The following TSPAN16 variants were observed in gnomAD, a reference collection of about 807,000 sequenced individuals.
TSPAN16 encodes tetraspanin 16.
In TSPAN16, 23 loss-of-function variants were observed where a neutral mutation model predicts 25.2. That is an observed-to-expected ratio of 0.91 (90% confidence interval 0.66 to 1.29). The LOEUF is 1.29. TSPAN16 is among the 50% of genes most tolerant of loss of function. The pLI, the probability that TSPAN16 is intolerant of heterozygous loss-of-function variation, is 0.00. For missense variants in TSPAN16, 272 were observed against 299.9 expected (o/e 0.91, Z 0.69); for synonymous variants, 123 against 124.4 (o/e 0.99, Z 0.08).
chr19:11,320,962 C>G (rs533446940), downstream of TSPAN16, among the ~76,000 whole-genome samples: 1 of 151,640 alleles, frequency 6.6e-6, no homozygotes, highest in African/African-American at 2.4e-5. Flanking sequence ...TGAGGTCAGG[C>G]GTTCGAGACC....
chr19:11,312,078 G>A, intron 5 of TSPAN16, 61 bp from the exon 6 acceptor site: 2 of 1,330,868 alleles, frequency 1.5e-6, no homozygotes, highest in Admixed American at 1.9e-5. Context: ...GGGGTTGATG[G>A]GGACTTGCAA....
downstream of TSPAN16, among the ~76,000 whole-genome samples, chr19:11,319,687 T>C (rs1016542694): frequency 6.6e-6 from 1 of 152,060 alleles, no homozygotes; most frequent in Non-Finnish European, 1.5e-5. Context: ...AAGAGGGCAA[T>C]GTGTGGGGGA....
chr19:11,306,861 G>T lies in TSPAN16; in HGVS notation c.603+105G>T. Reference sequence around the variant, plus strand: ...AAAGAGTTTCACCCTTGTCACCCAGGCTGGAGTGCAGTGGTGCGATCTCGG... The same window carrying T: ...AAAGAGTTTCACCCTTGTCACCCAGTCTGGAGTGCAGTGGTGCGATCTCGG... On this transcript the variant is annotated intron_variant, in intron 5 of 6. Coordinates refer to ENST00000590327, the MANE Select transcript of TSPAN16 (RefSeq NM_001282509.2). 2.5e-6 allele frequency: 3 copies of T among 1,211,442 alleles called. No homozygotes were observed. In the South Asian group the frequency reaches 4.6e-5, roughly 19 times the overall value. 75.0% of individuals were successfully genotyped at this position (1,211,442 alleles called of 1,614,324 possible). A position where few individuals can be genotyped will look rare whatever the true frequency, so the allele number is the denominator to read the frequency against.
At chr19:11,302,623 A>C (rs1247466406) in intron 4 of TSPAN16, among the ~76,000 whole-genome samples, 3 of 145,612 alleles carry the variant, frequency 2.1e-5, no homozygotes, top group African/African-American at 7.6e-5. Context: ...ATGTATATAA[A>C]TATATATATA....
chr19:11,325,455 C>T (rs769851542), intron 6 of TSPAN16: 183 of 1,611,020 alleles, frequency 1.1e-4, no homozygotes, highest in Non-Finnish European at 1.5e-4. Flanking sequence ...CCGGGCCTTT[C>T]CCGTTGCTGC....
At chr19:11,306,476 G>GT in intron 4 of TSPAN16, 128 bp from the exon 5 acceptor site, 1 of 1,158,798 alleles carries the variant, frequency 8.6e-7, no homozygotes, top group Non-Finnish European at 1.2e-6. Context: ...TGGGATGTTT[G>GT]TAAGAGGATG....
downstream of TSPAN16, among the ~76,000 whole-genome samples, chr19:11,317,915 T>C (rs940071768): frequency 1.3e-4 from 20 of 152,116 alleles, no homozygotes; most frequent in African/African-American, 4.6e-4. Context: ...CCTGTTCCTC[T>C]TGTCCACATA....
intron 4 of TSPAN16, among the ~76,000 whole-genome samples, chr19:11,304,386 A>C (rs1245423462): frequency 6.6e-6 from 1 of 151,588 alleles, no homozygotes; most frequent in African/African-American, 2.4e-5. Flanking sequence ...CCCAAAACTC[A>C]GGCTGGAGTT....
intron 6 of TSPAN16, chr19:11,325,666 C>T: frequency 7.3e-7 from 1 of 1,366,642 alleles, no homozygotes; most frequent in Non-Finnish European, 1.0e-6. Context: ...AACCTGGCTT[C>T]TAAGCCTAGT....
intron 4 of TSPAN16, among the ~76,000 whole-genome samples, chr19:11,301,767 C>T (rs922573874): frequency 6.6e-6 from 1 of 152,026 alleles, no homozygotes; most frequent in African/African-American, 2.4e-5. Context: ...TGCCACTGCA[C>T]TCTAGCCTGG....
At chr19:11,313,212 A>G (rs1422212807) in intron 6 of TSPAN16, among the ~76,000 whole-genome samples, 1 of 152,162 alleles carries the variant, frequency 6.6e-6, no homozygotes, top group Non-Finnish European at 1.5e-5. Context: ...TTGCAATGAC[A>G]TAAGAAAGTA....
At chr19:11,300,583 A>T (rs2080533557) in intron 3 of TSPAN16, among the ~76,000 whole-genome samples, 1 of 152,180 alleles carries the variant, frequency 6.6e-6, no homozygotes, top group Non-Finnish European at 1.5e-5. Context: ...AGCATAAACC[A>T]AAGAGGAAGA....
chr19:11,299,212 A>C (rs985004843), intron 3 of TSPAN16, among the ~76,000 whole-genome samples: 15 of 151,992 alleles, frequency 9.9e-5, no homozygotes, highest in African/African-American at 1.4e-4. Flanking sequence ...CCCGGGAGGC[A>C]GAGGTTGCAG....
At chr19:11,320,773 T>A (rs888918158), downstream of TSPAN16, among the ~76,000 whole-genome samples, 8 of 151,996 alleles carry the variant, frequency 5.3e-5, no homozygotes, top group Non-Finnish European at 1.0e-4. Context: ...AAAGTGAGAT[T>A]TGCACAGTAG....
At chr19:11,308,676 T>C (rs1335127361) in intron 5 of TSPAN16, among the ~76,000 whole-genome samples, 2 of 151,988 alleles carry the variant, frequency 1.3e-5, no homozygotes, top group East Asian at 1.9e-4. Context: ...GGTTTCACCG[T>C]GTTAGCCAGG....
At chr19:11,302,658 T>TACATATATATATATATATATACACAC (rs1199964175) in intron 4 of TSPAN16, among the ~76,000 whole-genome samples, 1 of 103,180 alleles carries the variant, frequency 9.7e-6, no homozygotes, top group Non-Finnish European at 1.8e-5. Context: ...TATATACACA[T>TACATATATATATATATATATACACAC]ACATATATAT....
intron 3 of TSPAN16, among the ~76,000 whole-genome samples, chr19:11,300,010 A>C (rs1040663290): frequency 5.3e-5 from 8 of 151,866 alleles, no homozygotes; most frequent in Non-Finnish European, 8.8e-5. Flanking sequence ...AGAAAAGAAA[A>C]GAAAAAAGAA....
At position 11,298,165 on chromosome 19, in the gene TSPAN16, C is replaced by T. The variant is rs1317150388; in HGVS notation, c.93C>T (p.Gly31=). 5.0e-6 allele frequency: 8 copies of T among 1,614,130 alleles called. No homozygotes were observed. In the South Asian group the frequency reaches 8.8e-5, roughly 18 times the overall value. ...AGGTGTCTGGCATCATCCTAGTTGG[C>T]CTGGGCATTGGTGGTAAATGTGGAG... ...FVAVSGIILV[G]LGIGGKCGGA... is the part of the protein sequence containing the mutation. Residue 31 remains glycine (G), a synonymous_variant, in exon 2 of 7, where the codon GGC becomes GGT. Transcript: ENST00000590327.
chr19:11,308,495 G>T (rs1334662675), intron 5 of TSPAN16, among the ~76,000 whole-genome samples: 1 of 150,210 alleles, frequency 6.7e-6, no homozygotes, highest in African/African-American at 2.4e-5. Flanking sequence ...TTTTGAGACG[G>T]AGTCTTGCTC....
Sources: gnomAD v4.1 joint callset for allele counts (sites outside exome capture counted in the v4.1 genomes callset) on GRCh38, gnomAD v4.1.1 for gene constraint, MANE v1.5 for transcripts, NCBI Gene and HGNC (gene_info 2026-07-23, HGNC 2026-07-21) for gene names.